The following SPOCK1 variants were observed in gnomAD, a reference collection of about 807,000 sequenced individuals.
SPOCK1 encodes the protein testican-1.
A neutral mutation model predicts 55.3 loss-of-function variants in SPOCK1; 23 were observed. The ratio of observed to expected loss-of-function variants is 0.42; its 90% CI spans 0.30 to 0.59. The LOEUF is 0.59. Among genes scored for constraint, SPOCK1 ranks in the 20% least tolerant of loss-of-function variants. The pLI is 0.22. For missense variants in SPOCK1, 499 were observed against 552.5 expected (o/e 0.90, Z 0.97); for synonymous variants, 226 against 221.0 (o/e 1.02, Z -0.20).
intron 3 of SPOCK1, among the ~76,000 whole-genome samples, chr5:137,143,029 C>G (rs532889781): frequency 8.5e-5 from 13 of 152,316 alleles, no homozygotes; most frequent in Non-Finnish European, 1.5e-4. Flanking sequence ...AACAGCTTAG[C>G]AGGACATGTC....
At chr5:137,411,305 C>T (rs191301871) in intron 2 of SPOCK1, among the ~76,000 whole-genome samples, 126 of 152,082 alleles carry the variant, frequency 8.3e-4, no homozygotes, top group African/African-American at 2.8e-3. Flanking sequence ...AGAATGAGGA[C>T]GGGTAGAGAG....
At chr5:137,421,299 G>T (rs1258960596) in intron 2 of SPOCK1, among the ~76,000 whole-genome samples, 1 of 152,218 alleles carries the variant, frequency 6.6e-6, no homozygotes, top group Non-Finnish European at 1.5e-5. Flanking sequence ...GTGTTCTGTA[G>T]ATGTCTATTA....
intron 2 of SPOCK1, among the ~76,000 whole-genome samples, chr5:137,486,553 C>T (rs1754059540): frequency 6.6e-6 from 1 of 152,198 alleles, no homozygotes; most frequent in African/African-American, 2.4e-5. Flanking sequence ...GTGCCTGGTA[C>T]ATGGTAGCCT....
chr5:137,017,586 T>A (rs947506180), intron 6 of SPOCK1, among the ~76,000 whole-genome samples: 1 of 152,186 alleles, frequency 6.6e-6, no homozygotes, highest in Non-Finnish European at 1.5e-5. Context: ...ACACAATGAA[T>A]GTCTTAAAGG....
At chr5:137,462,958 G>A (rs963684100) in intron 2 of SPOCK1, among the ~76,000 whole-genome samples, 5 of 152,178 alleles carry the variant, frequency 3.3e-5, no homozygotes, top group African/African-American at 1.2e-4. Flanking sequence ...TTCAGGGAGT[G>A]GAAAAGGATG....
chr5:137,161,243 G>T (rs1754552703), intron 3 of SPOCK1, among the ~76,000 whole-genome samples: 1 of 151,416 alleles, frequency 6.6e-6, no homozygotes, highest in African/African-American at 2.4e-5. Flanking sequence ...GTTACATGAG[G>T]CAAGAAAATA....
chr5:137,258,106 A>C (rs1487660138), intron 3 of SPOCK1, among the ~76,000 whole-genome samples: 1 of 152,260 alleles, frequency 6.6e-6, no homozygotes, highest in Non-Finnish European at 1.5e-5. Flanking sequence ...TGCCTTTTTC[A>C]TGTGCATTCT....
At chr5:137,474,289 G>A (rs1043471423) in intron 2 of SPOCK1, among the ~76,000 whole-genome samples, 4 of 152,052 alleles carry the variant, frequency 2.6e-5, no homozygotes, top group South Asian at 2.1e-4. Context: ...TTATCAGTAC[G>A]GTAATTCCTA....
intron 3 of SPOCK1, among the ~76,000 whole-genome samples, chr5:137,207,250 C>A (rs1755534925): frequency 6.6e-6 from 1 of 152,352 alleles, no homozygotes; most frequent in Admixed American, 6.5e-5. Flanking sequence ...CTGACAACCC[C>A]AGCTGCCCAG....
chr5:137,086,632 T>C (rs1293716006), intron 5 of SPOCK1, among the ~76,000 whole-genome samples: 1 of 152,142 alleles, frequency 6.6e-6, no homozygotes, highest in Non-Finnish European at 1.5e-5. Flanking sequence ...CCTCCACCAT[T>C]CCTGCATCCA....
intron 3 of SPOCK1, among the ~76,000 whole-genome samples, chr5:137,236,356 AG>A (rs1756181201): frequency 6.6e-6 from 1 of 152,270 alleles, no homozygotes; most frequent in South Asian, 2.1e-4. Context: ...AATGGTGGTC[AG>A]TGAATGGGAG....
At chr5:137,125,032 G>A (rs1337390289) in intron 4 of SPOCK1, among the ~76,000 whole-genome samples, 1 of 152,162 alleles carries the variant, frequency 6.6e-6, no homozygotes, top group Non-Finnish European at 1.5e-5. Flanking sequence ...TAGGTTCTAT[G>A]CAGCAAACAA....
At chr5:137,493,259 A>G (rs1338952582) in intron 2 of SPOCK1, among the ~76,000 whole-genome samples, 1 of 152,212 alleles carries the variant, frequency 6.6e-6, no homozygotes, top group South Asian at 2.1e-4. Context: ...ATGATGATAC[A>G]TTATTTAATT....
chr5:137,248,421 C>T (rs933267741), intron 3 of SPOCK1, among the ~76,000 whole-genome samples: 3 of 152,228 alleles, frequency 2.0e-5, no homozygotes, highest in South Asian at 2.1e-4. Flanking sequence ...TCGAAACCCA[C>T]AGTCTGGCAG....
rs1212904640 is a variant in SPOCK1 at position 137,160,646 on chromosome 5, T to A, written c.233-19952A>T. 4.2e-3 allele frequency among the ~76,000 whole-genome samples: 397 copies of A among 93,416 alleles called. 7 individuals are homozygous for A. The highest frequency in any genetic ancestry group is 0.016 in the African/African-American group (373 of 23,992). The allele number at this position is 93,416 out of a possible 152,430, so 61.3% of individuals were successfully genotyped here. A position where few individuals can be genotyped will look rare whatever the true frequency, so the allele number is the denominator to read the frequency against. On this transcript the variant is annotated intron_variant, in intron 3 of 10. Transcript: ENST00000394945. ...ATTTTATATAATATATAATATATAT[T>A]TTATATAATATACAATATATAATAT...
chr5:137,374,595 A>T (rs1254487901), intron 2 of SPOCK1, among the ~76,000 whole-genome samples: 2 of 152,128 alleles, frequency 1.3e-5, no homozygotes, highest in African/African-American at 4.8e-5. Flanking sequence ...TACTGCCATG[A>T]ATCCATGGCT....
At chr5:137,023,879 G>A (rs1751618416) in intron 6 of SPOCK1, among the ~76,000 whole-genome samples, 1 of 151,030 alleles carries the variant, frequency 6.6e-6, no homozygotes, top group African/African-American at 2.4e-5. Flanking sequence ...ATAGCACAAT[G>A]CAAATAAAGG....
chr5:137,275,620 T>C (rs919818828), intron 2 of SPOCK1, among the ~76,000 whole-genome samples: 3 of 152,190 alleles, frequency 2.0e-5, no homozygotes, highest in African/African-American at 7.2e-5. Flanking sequence ...CTGAGGTGAC[T>C]GAGGGAAGGC....
intron 3 of SPOCK1, among the ~76,000 whole-genome samples, chr5:137,209,843 T>A (rs1335634196): frequency 6.6e-6 from 1 of 152,212 alleles, no homozygotes; most frequent in Non-Finnish European, 1.5e-5. Context: ...CCACAGGAAG[T>A]GCAGAGAAAA....
Sources: gnomAD v4.1 joint callset for allele counts (sites outside exome capture counted in the v4.1 genomes callset) on GRCh38, gnomAD v4.1.1 for gene constraint, MANE v1.5 for transcripts, NCBI Gene and HGNC (gene_info 2026-07-23, HGNC 2026-07-21) for gene names.